Variants in PHF2 observed in about 807,000 individuals in gnomAD.
The protein encoded by PHF2 is PHD finger protein 2.
In PHF2, 27 loss-of-function variants were observed where a neutral mutation model predicts 120.5. The observed-to-expected ratio is 0.22, with a 90% CI of 0.17 to 0.31. The LOEUF is 0.31. Among genes scored for constraint, PHF2 ranks in the 10% least tolerant of loss-of-function variants. The pLI, the probability that PHF2 is intolerant of heterozygous loss-of-function variation, is 1.00. For synonymous variants in PHF2, 568 were observed against 592.5 expected (o/e 0.96, Z 0.60); for missense variants, 1,024 against 1,434.8 (o/e 0.71, Z 4.63).
At chr9:93,646,494 A>G (rs1826262715) in intron 4 of PHF2, among the ~76,000 whole-genome samples, 1 of 152,026 alleles carries the variant, frequency 6.6e-6, no homozygotes, top group African/African-American at 2.4e-5. Flanking sequence ...AGGAGGAAAA[A>G]CCCTGAACGG....
At chr9:93,676,190 C>T (rs918025662) in intron 20 of PHF2, among the ~76,000 whole-genome samples, 12 of 152,234 alleles carry the variant, frequency 7.9e-5, no homozygotes, top group Non-Finnish European at 1.2e-4. Flanking sequence ...ACCTTTAGCT[C>T]CTCCCAGCTC....
At chr9:93,639,607 C>T (rs1415939427) in intron 3 of PHF2, among the ~76,000 whole-genome samples, 1 of 152,084 alleles carries the variant, frequency 6.6e-6, no homozygotes, top group Non-Finnish European at 1.5e-5. Context: ...TCCAATATCA[C>T]CTTGAATAGA....
chr9:93,601,243 C>T (rs1364851491), intron 1 of PHF2, among the ~76,000 whole-genome samples: 1 of 152,200 alleles, frequency 6.6e-6, no homozygotes, highest in Admixed American at 6.5e-5. Context: ...GTTTGGCTGT[C>T]TGCACATATA....
chr9:93,608,019 A>G (rs1825573489), intron 1 of PHF2, among the ~76,000 whole-genome samples: 2 of 113,382 alleles, frequency 1.8e-5, no homozygotes, highest in Non-Finnish European at 3.9e-5. Flanking sequence ...GAAGGAAAGG[A>G]GGAAGGAAAG....
In PHF2 at chr9:93,654,466, T is replaced by C; in HGVS notation, c.843T>C (p.Tyr281=). The part of the protein sequence containing the change: ...IRPASANISL[Y]ERWRSASNHS... ...CGGCCTCGGCCAACATCTCCCTGTA[T>C]GAGCGCTGGCGGTCTGCCTCTAACC... is the stretch of plus-strand genomic sequence containing the variant. The change falls in exon 7 of 22, where the codon TAT becomes TAC. Residue 281 remains tyrosine, a synonymous_variant. Transcript: ENST00000359246. The C allele has an allele frequency of 6.2e-7, 1 of 1,614,076 alleles. No homozygotes were observed. Among genetic ancestry groups the C allele is most frequent in the Non-Finnish European group, 8.5e-7 (1 of 1,180,024 alleles).
chr9:93,645,344 T>C (rs1156702610), intron 3 of PHF2, among the ~76,000 whole-genome samples: 1 of 152,246 alleles, frequency 6.6e-6, no homozygotes, highest in African/African-American at 2.4e-5. Flanking sequence ...CCTCTCTGTC[T>C]TGTTGGGAAG....
intron 4 of PHF2, 61 bp from the exon 5 acceptor site, chr9:93,649,010 G>A: frequency 2.6e-6 from 4 of 1,540,192 alleles, no homozygotes; most frequent in Non-Finnish European, 3.5e-6. Context: ...CACACGTCCT[G>A]GCCTCAGGGA....
Position 93,648,448 on chromosome 9 carries a change from C to A in PHF2, c.461-623C>A, listed in dbSNP as rs567337609. Among the ~76,000 whole-genome samples the A allele has an allele frequency of 3.9e-5, 6 of 152,344 alleles. No individual in the cohort carries two copies. The East Asian group carries it at 9.6e-4, about 24-fold the overall frequency. The stretch of plus-strand genomic sequence containing the variant: ...TGGCCCCGGCATCCACCTCATCTGT[C>A]CACACTAAACCCCATGGCCTTGCAG... On this transcript the variant is annotated intron_variant, in intron 4 of 21. Coordinates refer to ENST00000359246, the MANE Select transcript of PHF2 (RefSeq NM_005392.4).
chr9:93,578,200 C>T (rs1226068379), intron 1 of PHF2, among the ~76,000 whole-genome samples: 1 of 152,154 alleles, frequency 6.6e-6, no homozygotes, highest in Non-Finnish European at 1.5e-5. Flanking sequence ...TGAGTCCTAC[C>T]TCCCTGCTGT....
chr9:93,661,086 A>G (rs923167170), intron 12 of PHF2, among the ~76,000 whole-genome samples: 3 of 151,890 alleles, frequency 2.0e-5, no homozygotes, highest in Non-Finnish European at 2.9e-5. Flanking sequence ...ATTGGAGGGG[A>G]GGGGGTTCAG....
chr9:93,585,829 C>T (rs919909322), intron 1 of PHF2, among the ~76,000 whole-genome samples: 4 of 152,204 alleles, frequency 2.6e-5, no homozygotes, highest in Non-Finnish European at 4.4e-5. Context: ...TATGAATCTC[C>T]GGGAAAGCTT....
intron 1 of PHF2, among the ~76,000 whole-genome samples, chr9:93,621,283 G>C (rs1825821671): frequency 6.6e-6 from 1 of 152,232 alleles, no homozygotes; most frequent in Non-Finnish European, 1.5e-5. Context: ...AGGTGGTGAG[G>C]GGGTGCTGAG....
At chr9:93,648,028 C>T (rs995182217) in intron 4 of PHF2, among the ~76,000 whole-genome samples, 4 of 152,186 alleles carry the variant, frequency 2.6e-5, no homozygotes, top group East Asian at 1.9e-4. Context: ...CTTGGTGGCA[C>T]GTAAGACCCA....
In PHF2 at chr9:93,678,518, G is replaced by A. The variant is rs1018311798; in HGVS notation, c.*842G>A. On this transcript the variant is annotated 3_prime_UTR_variant, in exon 22 of 22. Coordinates refer to ENST00000359246, the MANE Select transcript of PHF2 (RefSeq NM_005392.4). ...CTGGCAGGGCAGGGGCAGGGGCAGG[G>A]ACAGTGGCCAGGCGGCCCGAGGACT... 2 of 152,650 alleles carry A rather than the reference G, an allele frequency of 1.3e-5. No homozygotes were observed. The highest frequency in any genetic ancestry group is 2.9e-5 in the Non-Finnish European group (2 of 68,152). The allele number at this position is 152,650 out of a possible 1,614,324, so 9.5% of individuals were successfully genotyped here.
chr9:93,659,517 G>A lies in PHF2; in HGVS notation c.1246G>A (p.Ala416Thr), dbSNP rs1826521278. ...FRSWTKKQAL[A>T]EHEDELPEHF... ...GGGTCCGGTTGTCCTGCAGGCTTTG[G>A]CAGAGCATGAGGACGAGCTCCCGGA... is the stretch of plus-strand genomic sequence containing the variant. Residue 416 changes from alanine to threonine, a missense_variant, in exon 11 of 22, where the codon GCA (alanine) becomes ACA (threonine). This residue lies in a region of PHF2 where 347 missense variants were observed against 577.4 expected (regional missense o/e 0.60). Coordinates refer to ENST00000359246, the MANE Select transcript of PHF2 (RefSeq NM_005392.4). 6.2e-7 allele frequency: 1 copy of A among 1,613,958 alleles called. No individual in the cohort carries two copies. Among genetic ancestry groups the A allele is most frequent in the Non-Finnish European group, 8.5e-7 (1 of 1,179,908 alleles).
intron 1 of PHF2, among the ~76,000 whole-genome samples, chr9:93,606,578 C>A (rs1825547133): frequency 6.6e-6 from 1 of 152,168 alleles, no homozygotes; most frequent in Non-Finnish European, 1.5e-5. Flanking sequence ...TTGTTGAGTT[C>A]TTTGCATACT....
At chr9:93,676,421 C>T (rs1247573018) in intron 20 of PHF2, among the ~76,000 whole-genome samples, 173 bp from the exon 21 acceptor site, 5 of 152,282 alleles carry the variant, frequency 3.3e-5, no homozygotes, top group East Asian at 3.9e-4. Context: ...TGGGTGCTGG[C>T]GCCCTGTCCG....
In PHF2 at chr9:93,677,870, A is replaced by G. The variant is rs961893798; in HGVS notation, c.*194A>G. ...GCGTGGCCCCTCAATTTGAAAATGG[A>G]CGTCTTTTCTCAAGTTGCTAAGAGT... On this transcript the variant is annotated 3_prime_UTR_variant, in exon 22 of 22. Coordinates refer to ENST00000359246, the MANE Select transcript of PHF2 (RefSeq NM_005392.4). The surrounding 1 kb of genome is among the most constrained non-coding windows in gnomAD (Gnocchi z 4.4). 38 of 580,592 alleles carry G rather than the reference A, an allele frequency of 6.5e-5. No homozygotes were observed. Among genetic ancestry groups the G allele is most frequent in the Non-Finnish European group, 1.1e-4 (35 of 325,758 alleles). The allele number at this position is 580,592 out of a possible 1,614,324, so 36.0% of individuals were successfully genotyped here. A position where few individuals can be genotyped will look rare whatever the true frequency, so the allele number is the denominator to read the frequency against.
intron 3 of PHF2, among the ~76,000 whole-genome samples, chr9:93,644,959 C>T (rs1167795127): frequency 5.3e-5 from 8 of 152,118 alleles, no homozygotes; most frequent in Admixed American, 1.3e-4. Flanking sequence ...TGCTCTTGTC[C>T]GGGTCCTTGG....
Sources: gnomAD v4.1 joint callset for allele counts (sites outside exome capture counted in the v4.1 genomes callset) on GRCh38, gnomAD v4.1.1 for gene constraint, gnomAD v4.1.1 regional missense constraint, Gnocchi (gnomAD v3.1) non-coding constraint, MANE v1.5 for transcripts, NCBI Gene and HGNC (gene_info 2026-07-23, HGNC 2026-07-21) for gene names.